The following MYO18B variants were observed in gnomAD, a reference collection of about 807,000 sequenced individuals.
The protein encoded by MYO18B is unconventional myosin-XVIIIb.
In MYO18B, 204 loss-of-function variants were observed where a neutral mutation model predicts 273.0. The observed-to-expected ratio is 0.75, with a 90% CI of 0.67 to 0.84. The LOEUF is 0.84. Ranked by LOEUF, MYO18B falls within the 40% of genes least tolerant of loss-of-function variation. The pLI, the probability that MYO18B is intolerant of heterozygous loss-of-function variation, is 0.00. For synonymous variants in MYO18B, 1,330 were observed against 1,305.7 expected (o/e 1.02, Z -0.40); for missense variants, 3,212 against 3,287.6 (o/e 0.98, Z 0.56).
intron 40 of MYO18B, among the ~76,000 whole-genome samples, chr22:25,999,947 C>T (rs1433335714): frequency 6.6e-6 from 1 of 152,190 alleles, no homozygotes; most frequent in East Asian, 1.9e-4. Flanking sequence ...GCCACCACGC[C>T]TGGCCAAGTT....
In MYO18B at chr22:26,030,688, T is replaced by C. The variant is rs1936623959; in HGVS notation, c.*258T>C. 2.7e-6 allele frequency: 1 copy of C among 372,902 alleles called. No homozygotes were observed. Among genetic ancestry groups the C allele is most frequent in the Non-Finnish European group, 4.8e-6 (1 of 210,090 alleles). The allele number at this position is 372,902 out of a possible 1,614,324, so 23.1% of individuals were successfully genotyped here. A position where few individuals can be genotyped will look rare whatever the true frequency, so the allele number is the denominator to read the frequency against. Reference sequence around the variant, plus strand: ...CCTTGCTACCTGGGATTCCAGAGAGTTGATGGGGTGCAGATAGGGGTAGGA... The same window carrying C: ...CCTTGCTACCTGGGATTCCAGAGAGCTGATGGGGTGCAGATAGGGGTAGGA... On this transcript the variant is annotated 3_prime_UTR_variant, in exon 44 of 44. Coordinates refer to ENST00000335473, the MANE Select transcript of MYO18B (RefSeq NM_032608.7).
chr22:26,008,131 A>G (rs903821349), intron 42 of MYO18B, among the ~76,000 whole-genome samples: 2 of 152,210 alleles, frequency 1.3e-5, no homozygotes, highest in African/African-American at 2.4e-5. Context: ...ACCAGTATGC[A>G]TAAGTTCATC....
At chr22:25,964,537 A>G (rs1252368606) in intron 39 of MYO18B, among the ~76,000 whole-genome samples, 3 of 152,236 alleles carry the variant, frequency 2.0e-5, no homozygotes, top group Non-Finnish European at 4.4e-5. Context: ...CCTTGGCATT[A>G]TTGACATCTA....
intron 39 of MYO18B, among the ~76,000 whole-genome samples, chr22:25,961,805 C>G (rs181340891): frequency 6.6e-6 from 1 of 152,302 alleles, no homozygotes; most frequent in East Asian, 1.9e-4. Context: ...GGTGTTTGGG[C>G]AGATCCCTCA....
At chr22:25,978,468 C>T (rs962097968) in intron 39 of MYO18B, among the ~76,000 whole-genome samples, 6 of 152,010 alleles carry the variant, frequency 3.9e-5, no homozygotes, top group Middle Eastern at 3.2e-3. Flanking sequence ...AAAGAAAGGG[C>T]GAGTTGGGAC....
chr22:25,973,890 G>A (rs80123995), intron 39 of MYO18B, among the ~76,000 whole-genome samples: 23 of 152,234 alleles, frequency 1.5e-4, no homozygotes, highest in Admixed American at 1.2e-3. Flanking sequence ...CACAAGGAGG[G>A]GGACCTGTTT....
rs57844236 is a variant in MYO18B at position 25,947,487 on chromosome 22, T to TACACACACACAC, written c.5632-180_5632-169dup. Among the ~76,000 whole-genome samples the TACACACACACAC allele has an allele frequency of 7.7e-3, 852 of 110,634 alleles. 30 individuals are homozygous for TACACACACACAC. The highest frequency in any genetic ancestry group is 8.8e-3 in the Non-Finnish European group (468 of 53,064). 72.6% of individuals were successfully genotyped at this position (110,634 alleles called of 152,430 possible). Reference sequence around the variant, plus strand: ...ATTCATAGTCACATGTAATGCCTAATACACACACACACACACACACACACA... The same window carrying TACACACACACAC: ...ATTCATAGTCACATGTAATGCCTAATACACACACACACACACACACACACACACACACACACA... On this transcript the variant is annotated intron_variant, in intron 35 of 43. Transcript: ENST00000335473.
chr22:26,028,844 C>T (rs370106791), intron 43 of MYO18B, among the ~76,000 whole-genome samples: 2 of 148,090 alleles, frequency 1.4e-5, no homozygotes, highest in African/African-American at 2.5e-5. Context: ...GCCGAGATCT[C>T]GCCACTGCAC....
the MYO18B span, among the ~76,000 whole-genome samples, chr22:26,047,106 G>A: frequency 2.0e-5 from 3 of 150,990 alleles, no homozygotes; most frequent in Admixed American, 6.6e-5. Flanking sequence ...CACTTCTGCC[G>A]CCTTCTATTA....
At chr22:25,924,747 A>C (rs879787036) in intron 34 of MYO18B, among the ~76,000 whole-genome samples, 1 of 152,176 alleles carries the variant, frequency 6.6e-6, no homozygotes, top group Admixed American at 6.5e-5. Context: ...GTACTTCTGC[A>C]TGGAGATTGG....
At chr22:25,982,992 T>C (rs757404998) in intron 39 of MYO18B, among the ~76,000 whole-genome samples, 20 of 152,152 alleles carry the variant, frequency 1.3e-4, no homozygotes, top group Non-Finnish European at 1.9e-4. Context: ...ACTCTAAGTG[T>C]TCGGGTAACC....
chr22:25,901,806 GTTTT>G (rs34278088), intron 29 of MYO18B, among the ~76,000 whole-genome samples: 5,397 of 92,254 alleles, frequency 0.059, 211 homozygotes, highest in African/African-American at 0.17. Context: ...TTTTGGGTTG[GTTTT>G]TTTTTTTTTT....
At chr22:25,919,444 C>T (rs1314350194) in intron 33 of MYO18B, among the ~76,000 whole-genome samples, 2 of 152,212 alleles carry the variant, frequency 1.3e-5, no homozygotes, top group African/African-American at 4.8e-5. Context: ...TAATACTATA[C>T]ACCTCATTGA....
intron 5 of MYO18B, 98 bp from the exon 6 acceptor site, chr22:25,770,774 C>T (rs1023450077): frequency 3.6e-5 from 30 of 832,026 alleles, no homozygotes; most frequent in East Asian, 2.4e-4. Flanking sequence ...CTTGCTGGCC[C>T]GGCTTAGAGC....
At chr22:25,762,507 G>A (rs990125066) in intron 2 of MYO18B, among the ~76,000 whole-genome samples, 2 of 152,246 alleles carry the variant, frequency 1.3e-5, no homozygotes, top group African/African-American at 4.8e-5. Flanking sequence ...CCTCCAAGTC[G>A]CTGTAGCCAA....
At chr22:25,932,199 G>T (rs2092513073) in intron 34 of MYO18B, among the ~76,000 whole-genome samples, 1 of 152,096 alleles carries the variant, frequency 6.6e-6, no homozygotes, top group Non-Finnish European at 1.5e-5. Flanking sequence ...TTTTCACCCA[G>T]ATTCATCAAC....
At chr22:25,767,148 C>A (rs1358982755) in intron 3 of MYO18B, among the ~76,000 whole-genome samples, 1 of 152,180 alleles carries the variant, frequency 6.6e-6, no homozygotes, top group Non-Finnish European at 1.5e-5. Flanking sequence ...AGGTTGAGGT[C>A]TTTTTCTGCA....
intron 1 of MYO18B, among the ~76,000 whole-genome samples, chr22:25,753,224 G>T (rs1432374468): frequency 7.4e-6 from 1 of 134,576 alleles, no homozygotes; most frequent in Non-Finnish European, 1.6e-5. Context: ...CCTCCCGGTC[G>T]GCAGGGGCGG....
chr22:25,803,673 A>G (rs1440594512), intron 12 of MYO18B, among the ~76,000 whole-genome samples: 1 of 152,162 alleles, frequency 6.6e-6, no homozygotes, highest in East Asian at 1.9e-4. Flanking sequence ...TCCCGTATCT[A>G]AGCCTCAGTT....
Sources: allele counts gnomAD v4.1 joint callset (sites outside exome capture counted in the v4.1 genomes callset), GRCh38; gene constraint gnomAD v4.1.1; transcripts MANE v1.5; gene names NCBI Gene and HGNC (gene_info 2026-07-23, HGNC 2026-07-21).